Variants in SH3RF3 observed in about 807,000 individuals in gnomAD.
SH3RF3 encodes the protein E3 ubiquitin-protein ligase SH3RF3.
In SH3RF3, 29 loss-of-function variants were observed where a neutral mutation model predicts 66.3. That is an observed-to-expected ratio of 0.44 (90% CI 0.33 to 0.60). The LOEUF is 0.60. Among genes scored for constraint, SH3RF3 ranks in the 20% least tolerant of loss-of-function variants. The pLI is 0.04. For missense variants in SH3RF3, 1,194 were observed against 1,190.9 expected (o/e 1.00, Z -0.04); for synonymous variants, 583 against 532.0 (o/e 1.10, Z -1.32).
chr2:109,249,472 T>C (rs1680006232), intron 1 of SH3RF3, among the ~76,000 whole-genome samples: 2 of 16,604 alleles, frequency 1.2e-4, no homozygotes, highest in East Asian at 3.4e-3. Context: ...TCTTTCTCTT[T>C]CTTTCTTTCT....
chr2:109,437,159 G>T lies in SH3RF3; in HGVS notation c.1828+13G>T. 1 of 1,602,036 alleles carries T rather than the reference G, an allele frequency of 6.2e-7. No individual in the cohort carries two copies. Among genetic ancestry groups the T allele is most frequent in the South Asian group, 1.1e-5 (1 of 90,018 alleles). On this transcript the variant is annotated intron_variant, in intron 7 of 9. Transcript: ENST00000309415. Reference sequence around the variant, plus strand: ...ACCATTTCAACAGGTACCTTCACAGGGGCCTCACCCTGCAGGGCATCAACA... The same window carrying T: ...ACCATTTCAACAGGTACCTTCACAGTGGCCTCACCCTGCAGGGCATCAACA...
intron 1 of SH3RF3, among the ~76,000 whole-genome samples, chr2:109,280,330 G>A (rs1574547524): frequency 6.6e-6 from 1 of 152,286 alleles, no homozygotes; most frequent in Non-Finnish European, 1.5e-5. Flanking sequence ...CAGAGAGGGG[G>A]CCCCACAGCC....
chr2:109,171,576 G>A (rs150463671), intron 1 of SH3RF3, among the ~76,000 whole-genome samples: 3 of 152,234 alleles, frequency 2.0e-5, no homozygotes, highest in African/African-American at 7.2e-5. Context: ...CGGAGCACAG[G>A]GAGCTATTTC....
At chr2:109,141,927 A>G (rs1676960150) in intron 1 of SH3RF3, among the ~76,000 whole-genome samples, 1 of 151,960 alleles carries the variant, frequency 6.6e-6, no homozygotes, top group South Asian at 2.1e-4. Context: ...TGCAGGTGGC[A>G]GGGCCCTTTC....
At chr2:109,372,338 T>C (rs1039047982) in intron 3 of SH3RF3, among the ~76,000 whole-genome samples, 3 of 152,194 alleles carry the variant, frequency 2.0e-5, no homozygotes, top group African/African-American at 7.2e-5. Context: ...TGGGGCTGTG[T>C]GTGTATGTAG....
intron 4 of SH3RF3, among the ~76,000 whole-genome samples, chr2:109,407,949 T>A (rs1336289149): frequency 6.6e-6 from 1 of 152,128 alleles, no homozygotes; most frequent in Non-Finnish European, 1.5e-5. Context: ...CAGTGTTTCT[T>A]TTGCTGCTAT....
At chr2:109,367,260 G>A (rs1396968713) in intron 2 of SH3RF3, among the ~76,000 whole-genome samples, 2 of 151,568 alleles carry the variant, frequency 1.3e-5, no homozygotes, top group African/African-American at 2.4e-5. Flanking sequence ...CACTGTGCCC[G>A]TCTTGTTTTC....
intron 6 of SH3RF3, among the ~76,000 whole-genome samples, chr2:109,434,256 A>G (rs1677336346): frequency 1.3e-5 from 2 of 151,974 alleles, no homozygotes; most frequent in African/African-American, 4.8e-5. Flanking sequence ...GGGGGACATC[A>G]CTCTGTCACA....
At chr2:109,307,435 T>TA (rs1553502429) in intron 1 of SH3RF3, among the ~76,000 whole-genome samples, 220 of 150,428 alleles carry the variant, frequency 1.5e-3, no homozygotes, top group African/African-American at 3.8e-3. Context: ...TTTTTTTTAT[T>TA]ATTATACTTT....
At chr2:109,321,199 A>G (rs1245696765) in intron 1 of SH3RF3, among the ~76,000 whole-genome samples, 1 of 152,254 alleles carries the variant, frequency 6.6e-6, no homozygotes, top group Non-Finnish European at 1.5e-5. Context: ...TCTTTGAGGT[A>G]TGCAGTCAGT....
chr2:109,289,143 A>G (rs1681105705), intron 1 of SH3RF3, among the ~76,000 whole-genome samples: 1 of 152,116 alleles, frequency 6.6e-6, no homozygotes, highest in Admixed American at 6.6e-5. Context: ...AAAATTATTA[A>G]CTATCTCCTC....
chr2:109,319,656 A>G (rs552129212), intron 1 of SH3RF3, among the ~76,000 whole-genome samples: 1 of 151,914 alleles, frequency 6.6e-6, no homozygotes, highest in Non-Finnish European at 1.5e-5. Flanking sequence ...TCCCCTTATC[A>G]TCTCCTCCTC....
At chr2:109,238,486 TGTGTGTGTGTGTGA>T (rs1290722693) in intron 1 of SH3RF3, among the ~76,000 whole-genome samples, 4 of 138,904 alleles carry the variant, frequency 2.9e-5, no homozygotes, top group African/African-American at 1.2e-4. Context: ...TGTGTGTGTG[TGTGTGTGTGTGTGA>T]GAGTGAGACA....
intron 1 of SH3RF3, among the ~76,000 whole-genome samples, chr2:109,172,934 G>A (rs1319977719): frequency 2.0e-5 from 3 of 152,246 alleles, no homozygotes; most frequent in Non-Finnish European, 4.4e-5. Context: ...TATAACTGTT[G>A]TGTGACTGGT....
chr2:109,420,462 T>G (rs55818317), intron 5 of SH3RF3, among the ~76,000 whole-genome samples: 5 of 151,956 alleles, frequency 3.3e-5, no homozygotes, highest in African/African-American at 1.2e-4. Context: ...GTTTTGTTTT[T>G]TGAGATGGAG....
chr2:109,429,839 G>A (rs989732715), intron 5 of SH3RF3, among the ~76,000 whole-genome samples: 5 of 152,214 alleles, frequency 3.3e-5, no homozygotes, highest in Admixed American at 6.5e-5. Context: ...AGCCCTGCTA[G>A]GGGTTCCATG....
chr2:109,361,764 A>G (rs1406378533), intron 2 of SH3RF3, among the ~76,000 whole-genome samples: 1 of 152,152 alleles, frequency 6.6e-6, no homozygotes, highest in Non-Finnish European at 1.5e-5. Context: ...TTTAATAGAT[A>G]AAGGCCTATT....
At position 109,429,749 on chromosome 2, in the gene SH3RF3, G is replaced by A. The variant is rs73953106; in HGVS notation, c.1404-2752G>A. On this transcript the variant is annotated intron_variant, in intron 5 of 9. Coordinates refer to ENST00000309415, the MANE Select transcript of SH3RF3 (RefSeq NM_001099289.3). ...TCCATCCCCTCGAGCTTTTGTGTCC[G>A]CAGCTGTGAAACATGTGCAAGAAGG... 6.6e-3 allele frequency among the ~76,000 whole-genome samples: 1,011 copies of A among 152,270 alleles called. 12 individuals carry two copies. Among genetic ancestry groups the A allele is most frequent in the African/African-American group, 0.023 (953 of 41,540 alleles).
intron 1 of SH3RF3, among the ~76,000 whole-genome samples, chr2:109,264,413 A>G (rs1680439080): frequency 1.3e-5 from 2 of 150,248 alleles, no homozygotes; most frequent in Admixed American, 6.6e-5. Flanking sequence ...GGTGCCCCCC[A>G]TCCACCTCCC....
Sources: allele counts gnomAD v4.1 joint callset (sites outside exome capture counted in the v4.1 genomes callset), GRCh38; gene constraint gnomAD v4.1.1; transcripts MANE v1.5; gene names NCBI Gene and HGNC (gene_info 2026-07-23, HGNC 2026-07-21).